Variants in HIBCH observed in about 807,000 individuals in gnomAD.
The protein encoded by HIBCH is 3-hydroxyisobutyryl-CoA hydrolase, mitochondrial.
In HIBCH, 50 loss-of-function variants were observed where a neutral mutation model predicts 58.2. The observed-to-expected ratio is 0.86, with a 90% confidence interval of 0.68 to 1.09. The LOEUF is 1.09. Among genes scored for constraint, HIBCH ranks in the 50% least tolerant of loss-of-function variants. The pLI, the probability that HIBCH is intolerant of heterozygous loss-of-function variation, is 0.00. For missense variants in HIBCH, 450 were observed against 449.7 expected (o/e 1.00, Z -0.01); for synonymous variants, 151 against 146.9 (o/e 1.03, Z -0.20).
rs900407140 is a variant in HIBCH at position 190,216,768 on chromosome 2, T to C, written c.892-3693A>G. Among the ~76,000 whole-genome samples, 1 of 152,190 alleles carries C rather than the reference T, an allele frequency of 6.6e-6. No homozygotes were observed. Among genetic ancestry groups the C allele is most frequent in the Non-Finnish European group, 1.5e-5 (1 of 68,026 alleles). On this transcript the variant is annotated intron_variant, in intron 11 of 13. Coordinates refer to ENST00000359678, the MANE Select transcript of HIBCH (RefSeq NM_014362.4). The surrounding 1 kb of genome is among the most constrained non-coding windows in gnomAD (Gnocchi z 4.2). ...AGAGAGCTCGTGCTGGGGAGAAGTC[T>C]GCCAAGACGCTTTGAGGTGGGATGT...
chr2:190,264,445 A>G (rs1031856772), intron 6 of HIBCH, among the ~76,000 whole-genome samples: 4 of 152,110 alleles, frequency 2.6e-5, no homozygotes, highest in Non-Finnish European at 4.4e-5. Flanking sequence ...TGTGCTATGC[A>G]CTCTGTCAGT....
At chr2:190,318,744 T>TAGCATTTACTAAATCTGATTA (rs1421044038) in intron 1 of HIBCH, among the ~76,000 whole-genome samples, 1 of 152,212 alleles carries the variant, frequency 6.6e-6, no homozygotes, top group Non-Finnish European at 1.5e-5. Flanking sequence ...AACGATTACG[T>TAGCATTTACTAAATCTGATTA]GTACTGATTT....
In HIBCH at chr2:190,294,539, T is replaced by C. The variant is rs1688054393; in HGVS notation, c.304+7A>G. Reference sequence around the variant, plus strand: ...AGAGCACTCAGGTGAAAGGGAAAAGTCTTTACCTCTGATATCACCCCCGGC... The same window carrying C: ...AGAGCACTCAGGTGAAAGGGAAAAGCCTTTACCTCTGATATCACCCCCGGC... On this transcript the variant is annotated splice_region_variant and intron_variant, in intron 4 of 13. Coordinates refer to ENST00000359678, the MANE Select transcript of HIBCH (RefSeq NM_014362.4). 6.3e-7 allele frequency: 1 copy of C among 1,597,008 alleles called. No individual in the cohort carries two copies. The highest frequency in any genetic ancestry group is 2.2e-5 in the East Asian group (1 of 44,712).
At chr2:190,227,913 G>C (rs548608670) in intron 11 of HIBCH, among the ~76,000 whole-genome samples, 4 of 152,196 alleles carry the variant, frequency 2.6e-5, no homozygotes, top group African/African-American at 4.8e-5. Flanking sequence ...GACAGGTGCT[G>C]AAGAGGAAGA....
chr2:190,291,003 CCT>C (rs963545524), intron 4 of HIBCH, among the ~76,000 whole-genome samples: 11 of 151,892 alleles, frequency 7.2e-5, no homozygotes, highest in African/African-American at 2.7e-4. Flanking sequence ...AGAGTGACAC[CCT>C]GTCTCCTTAA....
At chr2:190,272,906 A>G (rs978427668) in intron 6 of HIBCH, among the ~76,000 whole-genome samples, 2 of 152,206 alleles carry the variant, frequency 1.3e-5, no homozygotes, top group Non-Finnish European at 2.9e-5. Flanking sequence ...AATAAGACAG[A>G]CAAGTAGTAA....
intron 6 of HIBCH, among the ~76,000 whole-genome samples, chr2:190,275,955 C>A (rs1196904688): frequency 6.6e-6 from 1 of 152,208 alleles, no homozygotes; most frequent in African/African-American, 2.4e-5. Context: ...CAGACAAGAA[C>A]AGAGCTTTCA....
intron 11 of HIBCH, among the ~76,000 whole-genome samples, chr2:190,244,542 C>T (rs1686551375): frequency 6.6e-6 from 1 of 152,138 alleles, no homozygotes; most frequent in African/African-American, 2.4e-5. Flanking sequence ...GGTGACTAAT[C>T]TCCAGTGACC....
intron 1 of HIBCH, among the ~76,000 whole-genome samples, chr2:190,195,922 GT>G (rs1647604532): frequency 7.5e-6 from 1 of 133,228 alleles, no homozygotes; most frequent in Admixed American, 7.4e-5. Context: ...TTTGTGAAGG[GT>G]TTAAGAACTG....
chr2:190,261,245 A>C lies in HIBCH; in HGVS notation c.439-11T>G. ...TGAGAGACCAACTCCCTAGAGAAAA[A>C]AGGCAAAAAAAGAGGCGGGGGGGAA... On this transcript the variant is annotated splice_polypyrimidine_tract_variant and intron_variant, in intron 6 of 13. Transcript: ENST00000359678. 1 of 1,597,428 alleles carries C rather than the reference A, an allele frequency of 6.3e-7. No individual in the cohort carries two copies. The highest frequency in any genetic ancestry group is 8.6e-7 in the Non-Finnish European group (1 of 1,165,136).
intron 11 of HIBCH, among the ~76,000 whole-genome samples, chr2:190,219,428 T>C (rs554433900): frequency 6.6e-6 from 1 of 152,292 alleles, no homozygotes; most frequent in African/African-American, 2.4e-5. Flanking sequence ...CTGATGCCGC[T>C]TGTTGGCCTC....
chr2:190,244,881 T>C lies in HIBCH; in HGVS notation c.891+6A>G, dbSNP rs1686559712. 1 of 1,587,040 alleles carries C rather than the reference T, an allele frequency of 6.3e-7. No individual in the cohort carries two copies. The stretch of plus-strand genomic sequence containing the variant: ...TCACTCAGGGCAGAAAGGATTCCAA[T>C]ATTACCTTCAATTGCTCTAGGGCAA... On this transcript the variant is annotated splice_donor_region_variant and intron_variant, in intron 11 of 13. Coordinates refer to ENST00000359678, the MANE Select transcript of HIBCH (RefSeq NM_014362.4).
At position 190,214,102 on chromosome 2, in the gene HIBCH, C is replaced by T. The variant is rs1690577129; in HGVS notation, c.892-1027G>A. 1 of 152,250 alleles carries T rather than the reference C, an allele frequency of 6.6e-6. No individual in the cohort carries two copies. The highest frequency in any genetic ancestry group is 6.5e-5 in the Admixed American group (1 of 15,290). The allele number at this position is 152,250 out of a possible 1,614,324, so 9.4% of individuals were successfully genotyped here. On this transcript the variant is annotated intron_variant, in intron 11 of 13. Transcript: ENST00000359678. The surrounding 1 kb of genome is among the most constrained non-coding windows in gnomAD (Gnocchi z 5.5). ...ACGCACCCCACTTGATTTATGTGGC[C>T]TGCTCTGGACATCTTGGCTCCCCGC...
chr2:190,281,943 T>G lies in HIBCH; in HGVS notation c.438+5643A>C, dbSNP rs1418548114. On this transcript the variant is annotated intron_variant, in intron 6 of 13. Coordinates refer to ENST00000359678, the MANE Select transcript of HIBCH (RefSeq NM_014362.4). The surrounding 1 kb of genome is among the most constrained non-coding windows in gnomAD (Gnocchi z 5.4). ...TACTCCAATATCTTGTTCCTCATTT[T>G]CATCCGGGTCCTCATCAAAATGGCC... Among the ~76,000 whole-genome samples the G allele has an allele frequency of 6.6e-6, 1 of 152,224 alleles. No individual in the cohort carries two copies. Among genetic ancestry groups the G allele is most frequent in the Non-Finnish European group, 1.5e-5 (1 of 68,036 alleles).
Position 190,306,110 on chromosome 2 carries a change from T to C in HIBCH, c.78+4644A>G, listed in dbSNP as rs1290466771. On this transcript the variant is annotated intron_variant, in intron 2 of 13. Transcript: ENST00000359678. This position sits in a 1 kb window ranked among gnomAD's most constrained non-coding sequence, Gnocchi z 4.6. Reference sequence around the variant, plus strand: ...CTGTCTTATTTTTTTTCTATGTTTCTATGGTAAAACAAAACACACACACAG... The same window carrying C: ...CTGTCTTATTTTTTTTCTATGTTTCCATGGTAAAACAAAACACACACACAG... Among the ~76,000 whole-genome samples, 1 of 152,196 alleles carries C rather than the reference T, an allele frequency of 6.6e-6. No homozygotes were observed. The highest frequency in any genetic ancestry group is 1.9e-4 in the East Asian group (1 of 5,200).
downstream of HIBCH, chr2:190,200,047 C>T (rs937362418): frequency 1.2e-6 from 2 of 1,614,114 alleles, no homozygotes; most frequent in Admixed American, 1.7e-5. Flanking sequence ...GGAATATGCA[C>T]ACCGCCTGTC....
chr2:190,223,641 G>C (rs1160540196), intron 11 of HIBCH, among the ~76,000 whole-genome samples: 1 of 152,206 alleles, frequency 6.6e-6, no homozygotes, highest in Non-Finnish European at 1.5e-5. Context: ...TTAGTTCTTA[G>C]AGGAGGCAGG....
Position 190,209,900 on chromosome 2 carries a change from G to A in HIBCH, c.1012-987C>T, listed in dbSNP as rs1171865235. Among the ~76,000 whole-genome samples the A allele has an allele frequency of 6.6e-6, 1 of 152,100 alleles. No individual in the cohort carries two copies. The highest frequency in any genetic ancestry group is 1.5e-5 in the Non-Finnish European group (1 of 68,016). On this transcript the variant is annotated intron_variant, in intron 12 of 13. Coordinates refer to ENST00000359678, the MANE Select transcript of HIBCH (RefSeq NM_014362.4). This position sits in a 1 kb window ranked among gnomAD's most constrained non-coding sequence, Gnocchi z 5.6. ...CAACCCTAGTTTCTTTACATGAAAA[G>A]GTAATTTATATATCCATCCTAGGAT... is the stretch of plus-strand genomic sequence containing the variant.
In HIBCH at chr2:190,197,259, ACTACTGATTCCTAAGGTGTCG is replaced by A. The variant is rs1325268021; in HGVS notation, c.*18-7283_*18-7263del. On this transcript the variant is annotated intron_variant, in intron 1 of 1. Transcript: ENST00000399855. This position sits in a 1 kb window ranked among gnomAD's most constrained non-coding sequence, Gnocchi z 4.0. ...ACTTGCCAAACCTTGTTTAGGGTAT[ACTACTGATTCCTAAGGTGTCG>A]CATTTCTTGAGTAGTAACTAAATAC... Among the ~76,000 whole-genome samples, 1 of 152,198 alleles carries A rather than the reference ACTACTGATTCCTAAGGTGTCG, an allele frequency of 6.6e-6. No homozygotes were observed. Among genetic ancestry groups the A allele is most frequent in the Non-Finnish European group, 1.5e-5 (1 of 68,036 alleles).
Sources: gnomAD v4.1 joint callset for allele counts (sites outside exome capture counted in the v4.1 genomes callset) on GRCh38, gnomAD v4.1.1 for gene constraint, Gnocchi (gnomAD v3.1) non-coding constraint, MANE v1.5 for transcripts, NCBI Gene and HGNC (gene_info 2026-07-23, HGNC 2026-07-21) for gene names.